XPO6: variants seen among roughly 807,000 people sequenced by gnomAD.
XPO6 encodes the protein exportin 6.
XPO6 carries 3 observed loss-of-function variants against 130.0 expected under a neutral mutation model. The observed-to-expected ratio is 0.02, with a 90% CI of 0.01 to 0.06. XPO6 has a LOEUF of 0.06. Ranked by LOEUF, XPO6 falls within the 10% of genes least tolerant of loss-of-function variation. The pLI, the probability that XPO6 is intolerant of heterozygous loss-of-function variation, is 1.00. For synonymous variants in XPO6, 524 were observed against 548.9 expected, an observed-to-expected ratio of 0.95 and a Z score of 0.63; for missense variants, 970 against 1,393.0, an observed-to-expected ratio of 0.70 and a Z score of 4.83.
chr16:28,101,082 T>C lies in XPO6; in HGVS notation c.3276+376A>G. The C allele has an allele frequency of 3.0e-6, 1 of 337,292 alleles. No homozygotes were observed. The highest frequency in any genetic ancestry group is 2.1e-5 in the African/African-American group (1 of 46,758). The allele number at this position is 337,292 out of a possible 1,614,324, so 20.9% of individuals were successfully genotyped here. On this transcript the variant is annotated intron_variant, in intron 23 of 23. Transcript: ENST00000304658. This position sits in a 1 kb window ranked among gnomAD's most constrained non-coding sequence, Gnocchi z 5.4. The stretch of plus-strand genomic sequence containing the variant: ...GTGCAGCTCCCAAGCACCAACCATC[T>C]CAGCCTGAATGCAAGCCTGGGCACA...
At chr16:28,177,455 G>C in intron 2 of XPO6, 123 bp from the exon 3 acceptor site, 3 of 558,450 alleles carry the variant, frequency 5.4e-6, no homozygotes, top group Admixed American at 6.7e-5. Context: ...GTCAAAACCA[G>C]CGGATTCTTT....
At chr16:28,185,319 C>T (rs1273185480) in intron 1 of XPO6, among the ~76,000 whole-genome samples, 1 of 152,174 alleles carries the variant, frequency 6.6e-6, no homozygotes, top group African/African-American at 2.4e-5. Context: ...ATGATTGCAC[C>T]AATGCACTCT....
chr16:28,199,765 C>G (rs908735281), intron 1 of XPO6, among the ~76,000 whole-genome samples: 6 of 151,848 alleles, frequency 4.0e-5, no homozygotes, highest in Non-Finnish European at 5.9e-5. Context: ...AGGCTGGTCT[C>G]GAACGCCTGA....
intron 21 of XPO6, among the ~76,000 whole-genome samples, chr16:28,102,208 A>C (rs753799101): frequency 1.4e-4 from 22 of 152,248 alleles, no homozygotes; most frequent in Admixed American, 3.3e-4. Context: ...TTGAAGCAAG[A>C]AGCTCACACC....
At position 28,106,529 on chromosome 16, in the gene XPO6, C is replaced by A; in HGVS notation, c.2498-32G>T. ...AAAGGGGCAGAGATATCGTCAGAGG[C>A]TTGCACACAGTGAGAACCAGAACCC... On this transcript the variant is annotated intron_variant, in intron 18 of 23. Coordinates refer to ENST00000304658, the MANE Select transcript of XPO6 (RefSeq NM_015171.4). This position sits in a 1 kb window ranked among gnomAD's most constrained non-coding sequence, Gnocchi z 4.2. The A allele has an allele frequency of 6.4e-7, 1 of 1,574,346 alleles. No homozygotes were observed.
At chr16:28,161,502 G>A (rs74014227) in intron 6 of XPO6, among the ~76,000 whole-genome samples, 8,195 of 151,548 alleles carry the variant, frequency 0.054, 562 homozygotes, top group East Asian at 0.17. Context: ...CCAAAAAAAA[G>A]AAAAGTAGAT....
intron 9 of XPO6, among the ~76,000 whole-genome samples, chr16:28,144,058 A>G (rs1419093634): frequency 6.6e-6 from 1 of 152,246 alleles, no homozygotes; most frequent in African/African-American, 2.4e-5. Context: ...TAGTCCCAGA[A>G]CCAAAAAGAT....
chr16:28,193,865 G>C (rs1279655387), intron 1 of XPO6, among the ~76,000 whole-genome samples: 3 of 152,108 alleles, frequency 2.0e-5, no homozygotes, highest in Non-Finnish European at 2.9e-5. Context: ...ACAGGCACCA[G>C]CCCAAAGCCA....
At position 28,166,615 on chromosome 16, in the gene XPO6, G is replaced by A. The variant is rs773626980; in HGVS notation, c.566-30C>T. ...CAAGAAAGGAGAAACAGAGTTATAA[G>A]AGAAATAATGTCCAGCATATAAAAA... On this transcript the variant is annotated intron_variant, in intron 5 of 23. Transcript: ENST00000304658. 4.5e-6 allele frequency: 7 copies of A among 1,558,622 alleles called. No homozygotes were observed. In the South Asian group the frequency reaches 4.7e-5, roughly 11 times the overall value.
intron 9 of XPO6, among the ~76,000 whole-genome samples, chr16:28,136,166 C>G (rs1184922150): frequency 6.6e-6 from 1 of 152,180 alleles, no homozygotes; most frequent in East Asian, 1.9e-4. Flanking sequence ...CCCCCTAATT[C>G]AAAATCATGT....
intron 12 of XPO6, 71 bp from the exon 13 acceptor site, chr16:28,125,919 C>T: frequency 1.3e-6 from 2 of 1,538,458 alleles, no homozygotes; most frequent in South Asian, 2.4e-5. Flanking sequence ...AACAGCTGGT[C>T]CAGCAAGCCA....
In XPO6 at chr16:28,101,970, T is replaced by TA; in HGVS notation, c.2947-26dup. ...CCTAGGAAATGAGACCACCATTTTA[T>TA]AAACTGCAAGACCAAGCACTTCTGG... On this transcript the variant is annotated intron_variant, in intron 21 of 23. Coordinates refer to ENST00000304658, the MANE Select transcript of XPO6 (RefSeq NM_015171.4). The surrounding 1 kb of genome is among the most constrained non-coding windows in gnomAD (Gnocchi z 5.4). The TA allele has an allele frequency of 6.2e-7, 1 of 1,600,360 alleles. No individual in the cohort carries two copies. The highest frequency in any genetic ancestry group is 8.6e-7 in the Non-Finnish European group (1 of 1,168,434).
At chr16:28,204,757 G>A (rs1406201449) in intron 1 of XPO6, among the ~76,000 whole-genome samples, 2 of 152,148 alleles carry the variant, frequency 1.3e-5, no homozygotes, top group Admixed American at 6.6e-5. Context: ...GTGTCCCAGC[G>A]GCCAAGTGAC....
intron 14 of XPO6, among the ~76,000 whole-genome samples, chr16:28,121,263 C>CATCCTACAGT (rs2087228972): frequency 6.6e-6 from 1 of 152,232 alleles, no homozygotes; most frequent in South Asian, 2.1e-4. Context: ...CATTCTTCTG[C>CATCCTACAGT]ATCCTACAGT....
At position 28,135,311 on chromosome 16, in the gene XPO6, G is replaced by T; in HGVS notation, c.1348C>A (p.Leu450Met). ...EAVLNRYEDA[L>M]VLLLTEVLNR... ...AACACCTCTGTGAGCAGGAGCACCA[G>T]GGCATCTTCGTACCTATGTGGCAGG... is the stretch of plus-strand genomic sequence containing the variant. The change falls in exon 10 of 24, where the codon CTG becomes ATG. Residue 450 changes from leucine to methionine, a missense_variant. Physicochemically the swap from Leu to Met is conservative, Grantham distance 15. This residue lies in a region of XPO6 where 936 missense variants were observed against 1,306.8 expected (regional missense o/e 0.72). Coordinates refer to ENST00000304658, the MANE Select transcript of XPO6 (RefSeq NM_015171.4). The T allele has an allele frequency of 1.9e-6, 3 of 1,613,634 alleles. No homozygotes were observed. Among genetic ancestry groups the T allele is most frequent in the Non-Finnish European group, 2.5e-6 (3 of 1,179,752 alleles).
At chr16:28,100,131 G>T in intron 23 of XPO6, among the ~76,000 whole-genome samples, 1 of 152,134 alleles carries the variant, frequency 6.6e-6, no homozygotes, top group East Asian at 1.9e-4. Flanking sequence ...GGGATTACAG[G>T]CGTGTGCCAC....
At chr16:28,134,852 G>A (rs910274958) in intron 10 of XPO6, among the ~76,000 whole-genome samples, 4 of 152,064 alleles carry the variant, frequency 2.6e-5, no homozygotes, top group Admixed American at 1.3e-4. Context: ...TCTTGCTAAC[G>A]GTCTCCACAA....
intron 1 of XPO6, among the ~76,000 whole-genome samples, chr16:28,182,539 G>C (rs74014246): frequency 0.069 from 10,502 of 152,242 alleles, 859 homozygotes; most frequent in East Asian, 0.17. Flanking sequence ...GTGAGTGAGA[G>C]AGACTTTCTT....
Position 28,156,392 on chromosome 16 carries a change from A to G in XPO6, c.779T>C (p.Ile260Thr). 1.2e-6 allele frequency: 2 copies of G among 1,614,108 alleles called. No individual in the cohort carries two copies. Among genetic ancestry groups the G allele is most frequent in the South Asian group, 2.2e-5 (2 of 91,074 alleles). Residue 260 changes from isoleucine (I) to threonine (T), a missense_variant, in exon 7 of 24, where the codon ATT becomes ACT. Physicochemically the swap from Ile to Thr is moderately conservative, Grantham distance 89. Around this residue, in one of 4 missense-constraint regions of XPO6, gnomAD observed 936 missense variants for 1,306.8 expected, o/e 0.72. Coordinates refer to ENST00000304658, the MANE Select transcript of XPO6 (RefSeq NM_015171.4). ...LECLAHLFSW[I>T]PLSASITPSL... ...TGGGGTGATGCTGGCAGACAGAGGAATCCAACTGAAGAGATGGGCCAGGCA... is the reference window on the plus strand; with the variant it reads ...TGGGGTGATGCTGGCAGACAGAGGAGTCCAACTGAAGAGATGGGCCAGGCA...
Sources: allele counts gnomAD v4.1 joint callset (sites outside exome capture counted in the v4.1 genomes callset), GRCh38; gene constraint gnomAD v4.1.1; regional missense constraint gnomAD v4.1.1; non-coding constraint Gnocchi (gnomAD v3.1); transcripts MANE v1.5; gene names NCBI Gene and HGNC (gene_info 2026-07-23, HGNC 2026-07-21).